KLHL7: variants seen among roughly 807,000 people sequenced by gnomAD.
KLHL7 encodes the protein kelch-like protein 7.
A neutral mutation model predicts 67.4 loss-of-function variants in KLHL7; 44 were observed. The observed-to-expected ratio is 0.65, with a 90% CI of 0.51 to 0.84. The LOEUF (loss-of-function observed/expected upper bound fraction) is 0.84. KLHL7 is among the 40% of genes least tolerant of loss of function. KLHL7 has a pLI of 0.00. For missense variants in KLHL7, 362 were observed against 718.1 expected, an observed-to-expected ratio of 0.50 and a Z score of 5.67; for synonymous variants, 252 against 243.3, an observed-to-expected ratio of 1.04 and a Z score of -0.33.
chr7:23,132,615 G>C (rs59918451), intron 4 of KLHL7, among the ~76,000 whole-genome samples: 2,575 of 152,058 alleles, frequency 0.017, 89 homozygotes, highest in African/African-American at 0.059. Flanking sequence ...TTTGTTGATT[G>C]CATCCTTTAC....
At chr7:23,138,203 C>G (rs993428135) in intron 4 of KLHL7, among the ~76,000 whole-genome samples, 5 of 150,612 alleles carry the variant, frequency 3.3e-5, no homozygotes, top group African/African-American at 1.2e-4. Context: ...GTGGTTCACA[C>G]CTGTAATCCC....
intron 5 of KLHL7, 119 bp downstream of exon 5, chr7:23,141,063 C>T (rs1260975100): frequency 7.7e-6 from 7 of 904,352 alleles, no homozygotes; most frequent in Non-Finnish European, 1.1e-5. Flanking sequence ...ATGTTCTTTA[C>T]ACTAAACAGA....
At chr7:23,118,010 A>G (rs747512473) in intron 1 of KLHL7, 3 of 1,609,478 alleles carry the variant, frequency 1.9e-6, no homozygotes, top group Non-Finnish European at 2.5e-6. Flanking sequence ...CAAAGAATAG[A>G]ACGTGGGGCA....
intron 1 of KLHL7, among the ~76,000 whole-genome samples, chr7:23,108,996 C>T (rs1782757619): frequency 1.3e-5 from 2 of 152,282 alleles, no homozygotes; most frequent in East Asian, 1.9e-4. Flanking sequence ...CATTTTTGTA[C>T]ACTTTGTACA....
intron 4 of KLHL7, among the ~76,000 whole-genome samples, chr7:23,140,254 C>T (rs907472196): frequency 1.3e-5 from 2 of 152,104 alleles, no homozygotes; most frequent in African/African-American, 4.8e-5. Flanking sequence ...GGGGGCTTCT[C>T]CTACAGAATA....
rs763921461 is a variant in KLHL7, at chr7:23,167,873, G to T, written c.1215G>T (p.Thr405=). The change falls in exon 9 of 11, where the codon ACG becomes ACT. Residue 405 remains threonine, a synonymous_variant. Transcript: ENST00000339077. ...TGTATTTATTTGAGTGCTATGATAC[G>T]AGAACTGAAAGCTGGCACACAAAGC... ...SALYLFECYD[T]RTESWHTKPS... 10 of 1,614,140 alleles carry T rather than the reference G, an allele frequency of 6.2e-6. No individual in the cohort carries two copies. The highest frequency in any genetic ancestry group is 8.5e-6 in the Non-Finnish European group (10 of 1,180,026).
At chr7:23,151,253 G>A (rs969798211) in intron 6 of KLHL7, among the ~76,000 whole-genome samples, 1 of 151,250 alleles carries the variant, frequency 6.6e-6, no homozygotes, top group African/African-American at 2.4e-5. Flanking sequence ...AGTGAAATAT[G>A]AGGTAGGGGT....
At chr7:23,106,590 A>C in intron 1 of KLHL7, 2 of 1,037,680 alleles carry the variant, frequency 1.9e-6, no homozygotes, top group South Asian at 3.4e-5. Context: ...CTCTTAAATA[A>C]GGATCCCCGC....
intron 4 of KLHL7, among the ~76,000 whole-genome samples, chr7:23,133,563 C>G (rs1051665754): frequency 6.6e-6 from 1 of 152,112 alleles, no homozygotes; most frequent in Non-Finnish European, 1.5e-5. Flanking sequence ...TCCCGAGTAG[C>G]TGGGACTACA....
At chr7:23,151,527 G>C (rs1156408297) in intron 6 of KLHL7, among the ~76,000 whole-genome samples, 1 of 114,862 alleles carries the variant, frequency 8.7e-6, no homozygotes, top group African/African-American at 5.4e-5. Flanking sequence ...GTAGGTCTGG[G>C]ATAGGGGCCT....
chr7:23,114,961 A>G (rs898063163), intron 1 of KLHL7, among the ~76,000 whole-genome samples: 2 of 152,214 alleles, frequency 1.3e-5, no homozygotes, highest in Non-Finnish European at 2.9e-5. Context: ...ATCTATGCTC[A>G]TCCTCTGAAT....
rs527363437 is a variant in KLHL7 at position 23,124,888 on chromosome 7, C to T, written c.317+107C>T. ...CTACAAATTCTTCAAAATGAAAAAC[C>T]GCAAGGATGGAAGAGTTTCAGTATC... On this transcript the variant is annotated intron_variant, in intron 3 of 10. Coordinates refer to ENST00000339077, the MANE Select transcript of KLHL7 (RefSeq NM_001031710.3). The T allele has an allele frequency of 1.3e-4, 144 of 1,115,980 alleles. No individual in the cohort carries two copies. In the South Asian group the frequency reaches 1.4e-3, roughly 11 times the overall value. 69.1% of individuals were successfully genotyped at this position (1,115,980 alleles called of 1,614,324 possible). A position where few individuals can be genotyped will look rare whatever the true frequency, so the allele number is the denominator to read the frequency against.
At chr7:23,114,678 A>T (rs115020075) in intron 1 of KLHL7, among the ~76,000 whole-genome samples, 28 of 152,254 alleles carry the variant, frequency 1.8e-4, no homozygotes, top group African/African-American at 6.0e-4. Flanking sequence ...TTTTTGTATC[A>T]TCCGAATACC....
At chr7:23,163,815 C>T (rs897335479) in intron 7 of KLHL7, among the ~76,000 whole-genome samples, 15 of 152,048 alleles carry the variant, frequency 9.9e-5, no homozygotes, top group African/African-American at 3.4e-4. Flanking sequence ...TCCAATTTTC[C>T]GCATTTCACA....
At chr7:23,145,745 T>C (rs935274630) in intron 6 of KLHL7, among the ~76,000 whole-genome samples, 2 of 152,202 alleles carry the variant, frequency 1.3e-5, no homozygotes, top group East Asian at 3.8e-4. Flanking sequence ...TGTTTTATTT[T>C]ACTTTATTTT....
chr7:23,120,548 T>A (rs1453350758), intron 1 of KLHL7, among the ~76,000 whole-genome samples: 1 of 152,086 alleles, frequency 6.6e-6, no homozygotes, highest in Admixed American at 6.6e-5. Context: ...TTCAATATCT[T>A]CTTTCTAGAA....
chr7:23,113,833 A>C (rs1233239080), intron 1 of KLHL7, among the ~76,000 whole-genome samples: 40 of 151,596 alleles, frequency 2.6e-4, no homozygotes, highest in Middle Eastern at 3.4e-3. Flanking sequence ...TCTCAAAAAA[A>C]CCCCCCGAAT....
At chr7:23,149,003 G>C (rs1015031381) in intron 6 of KLHL7, among the ~76,000 whole-genome samples, 1 of 152,162 alleles carries the variant, frequency 6.6e-6, no homozygotes, top group African/African-American at 2.4e-5. Flanking sequence ...ATCATCAGTT[G>C]TCTTCCTACC....
intron 1 of KLHL7, among the ~76,000 whole-genome samples, chr7:23,116,266 C>G (rs183947223): frequency 6.6e-6 from 1 of 152,328 alleles, no homozygotes; most frequent in East Asian, 1.9e-4. Flanking sequence ...TGGAGAATGG[C>G]CTTTAACATT....
Sources: allele counts gnomAD v4.1 joint callset (sites outside exome capture counted in the v4.1 genomes callset), GRCh38; gene constraint gnomAD v4.1.1; transcripts MANE v1.5; gene names NCBI Gene and HGNC (gene_info 2026-07-23, HGNC 2026-07-21).